Variants in BCL9 observed in about 807,000 individuals in gnomAD.
BCL9 encodes BCL9 transcription coactivator.
BCL9 carries 25 observed loss-of-function variants against 88.5 expected under a neutral mutation model. That is an observed-to-expected ratio of 0.28 (90% CI 0.21 to 0.39). The LOEUF is 0.39. Ranked by LOEUF, BCL9 falls within the 10% of genes least tolerant of loss-of-function variation. The probability of loss-of-function intolerance (pLI) is 1.00; values close to 1 mark genes in which losing one functional copy is unlikely to be tolerated. For missense variants in BCL9, 1,817 were observed against 1,877.8 expected (o/e 0.97, Z 0.60); for synonymous variants, 711 against 673.3 (o/e 1.06, Z -0.87).
Position 147,604,564 on chromosome 1 carries a change from G to A in BCL9, c.-477-213G>A, listed in dbSNP as rs587642848. On this transcript the variant is annotated intron_variant, in intron 1 of 9. Coordinates refer to ENST00000234739, the MANE Select transcript of BCL9 (RefSeq NM_004326.4). The stretch of plus-strand genomic sequence containing the variant: ...TCCATTAGCGTGGTTAGGCCTCAGT[G>A]GGATGGATTTGGGCTGCAGTGACCC... Among the ~76,000 whole-genome samples the A allele has an allele frequency of 2.6e-5, 4 of 152,290 alleles. No homozygotes were observed. In the South Asian group the frequency reaches 8.3e-4, roughly 32 times the overall value.
chr1:147,601,861 A>G (rs1657407278), intron 1 of BCL9, among the ~76,000 whole-genome samples: 1 of 152,206 alleles, frequency 6.6e-6, no homozygotes, highest in Non-Finnish European at 1.5e-5. Context: ...GAGGGCTTGG[A>G]TAAAAAGAGA....
Position 147,625,860 on chromosome 1 carries a change from C to T in BCL9, c.*901C>T, listed in dbSNP as rs587622424. On this transcript the variant is annotated 3_prime_UTR_variant, in exon 10 of 10. Coordinates refer to ENST00000234739, the MANE Select transcript of BCL9 (RefSeq NM_004326.4). ...TGGGGAAATAAATCTAGCAAAGCCT[C>T]GCCTTCCATGCCGAGCGTCCTCTTG... 1.2e-4 allele frequency: 29 copies of T among 233,138 alleles called. No individual in the cohort carries two copies. In the East Asian group the frequency reaches 1.5e-3, roughly 12 times the overall value. The allele number at this position is 233,138 out of a possible 1,614,324, so 14.4% of individuals were successfully genotyped here.
intron 1 of BCL9, among the ~76,000 whole-genome samples, chr1:147,583,627 T>C (rs928669375): frequency 6.6e-6 from 1 of 152,120 alleles, no homozygotes; most frequent in East Asian, 1.9e-4. Flanking sequence ...TACAGAATTT[T>C]ACATTTGTAT....
At chr1:147,550,129 A>G (rs1654818660) in intron 1 of BCL9, among the ~76,000 whole-genome samples, 1 of 152,124 alleles carries the variant, frequency 6.6e-6, no homozygotes, top group Admixed American at 6.5e-5. Flanking sequence ...TTTCACTGCC[A>G]TGCTTTATAG....
chr1:147,565,231 C>A (rs948644876), intron 1 of BCL9, among the ~76,000 whole-genome samples: 2 of 152,174 alleles, frequency 1.3e-5, no homozygotes, highest in Admixed American at 6.5e-5. Context: ...TCTACTCTAA[C>A]CTTTTAATTT....
At chr1:147,609,740 G>A (rs1455064294) in intron 3 of BCL9, among the ~76,000 whole-genome samples, 1 of 152,250 alleles carries the variant, frequency 6.6e-6, no homozygotes, top group Non-Finnish European at 1.5e-5. Context: ...GAAGACGTGT[G>A]TAACACAAAT....
At chr1:147,589,295 T>C (rs1386248217) in intron 1 of BCL9, among the ~76,000 whole-genome samples, 2 of 152,218 alleles carry the variant, frequency 1.3e-5, no homozygotes, top group Non-Finnish European at 2.9e-5. Flanking sequence ...TCGACCTCTT[T>C]TGTCTTCTAC....
intron 1 of BCL9, among the ~76,000 whole-genome samples, chr1:147,562,777 G>A (rs1247076083): frequency 1.1e-4 from 17 of 152,104 alleles, no homozygotes; most frequent in African/African-American, 4.1e-4. Context: ...GTGGACGGGG[G>A]GTGGCAGGAT....
chr1:147,582,050 C>A (rs1656394896), intron 1 of BCL9, among the ~76,000 whole-genome samples: 1 of 152,048 alleles, frequency 6.6e-6, no homozygotes, highest in African/African-American at 2.4e-5. Context: ...CATTTTATTG[C>A]ATTTTCTTCC....
intron 1 of BCL9, among the ~76,000 whole-genome samples, chr1:147,593,304 A>AT (rs1656920619): frequency 6.6e-6 from 1 of 152,092 alleles, no homozygotes; most frequent in African/African-American, 2.4e-5. Flanking sequence ...CTGCTCTGCC[A>AT]TTTATTTATT....
At position 147,625,878 on chromosome 1, in the gene BCL9, T is replaced by C. The variant is rs1225762850; in HGVS notation, c.*919T>C. 4.3e-6 allele frequency: 1 copy of C among 233,068 alleles called. No individual in the cohort carries two copies. The highest frequency in any genetic ancestry group is 8.5e-6 in the Non-Finnish European group (1 of 117,714). The allele number at this position is 233,068 out of a possible 1,614,324, so 14.4% of individuals were successfully genotyped here. A position where few individuals can be genotyped will look rare whatever the true frequency, so the allele number is the denominator to read the frequency against. On this transcript the variant is annotated 3_prime_UTR_variant, in exon 10 of 10. Coordinates refer to ENST00000234739, the MANE Select transcript of BCL9 (RefSeq NM_004326.4). ...AAAGCCTCGCCTTCCATGCCGAGCG[T>C]CCTCTTGGCTCTGAGAGGGAAAGGT...
chr1:147,596,268 A>G (rs1266277960), intron 1 of BCL9, among the ~76,000 whole-genome samples: 1 of 152,192 alleles, frequency 6.6e-6, no homozygotes, highest in Admixed American at 6.5e-5. Context: ...CATTGACTTC[A>G]ATAGACTGGT....
intron 1 of BCL9, among the ~76,000 whole-genome samples, chr1:147,590,633 T>G (rs1656808988): frequency 6.6e-6 from 1 of 152,318 alleles, no homozygotes; most frequent in South Asian, 2.1e-4. Flanking sequence ...GACCTTGAAC[T>G]AGTCTTGTAA....
At chr1:147,569,996 A>G (rs372148184) in intron 1 of BCL9, among the ~76,000 whole-genome samples, 12 of 152,354 alleles carry the variant, frequency 7.9e-5, no homozygotes, top group African/African-American at 2.6e-4. Flanking sequence ...TTTATGTTGA[A>G]TATAAAGACT....
intron 1 of BCL9, among the ~76,000 whole-genome samples, chr1:147,567,650 A>C (rs77476221): frequency 0.012 from 1,894 of 152,308 alleles, 43 homozygotes; most frequent in African/African-American, 0.044. Context: ...ACCCTCAATG[A>C]GAATAATGCC....
At chr1:147,601,140 A>G (rs1249474368) in intron 1 of BCL9, among the ~76,000 whole-genome samples, 1 of 152,188 alleles carries the variant, frequency 6.6e-6, no homozygotes. Context: ...CTGTCCTCCA[A>G]GAGGTCTGAA....
intron 1 of BCL9, among the ~76,000 whole-genome samples, chr1:147,549,113 A>G (rs1553194553): frequency 1.3e-5 from 2 of 149,956 alleles, no homozygotes; most frequent in Non-Finnish European, 1.5e-5. Flanking sequence ...AGTAGCTGGG[A>G]TTACAGGTGT....
intron 1 of BCL9, among the ~76,000 whole-genome samples, chr1:147,555,737 T>C (rs1553195363): frequency 6.6e-6 from 1 of 152,212 alleles, no homozygotes; most frequent in Non-Finnish European, 1.5e-5. Context: ...TGGAGCAAGA[T>C]CTTAAAGACA....
At chr1:147,618,738 T>G (rs1293240608) in intron 7 of BCL9, 78 bp from the exon 8 acceptor site, 1 of 1,362,678 alleles carries the variant, frequency 7.3e-7, no homozygotes, top group Non-Finnish European at 9.7e-7. Context: ...GGACAATTCC[T>G]TTATAACATA....
Sources: gnomAD v4.1 joint callset for allele counts (sites outside exome capture counted in the v4.1 genomes callset) on GRCh38, gnomAD v4.1.1 for gene constraint, MANE v1.5 for transcripts, NCBI Gene and HGNC (gene_info 2026-07-23, HGNC 2026-07-21) for gene names.